Variants in ADGRL3 observed in about 807,000 individuals in gnomAD.
ADGRL3 encodes calcium-independent alpha-latrotoxin receptor 3.
ADGRL3 carries 62 observed loss-of-function variants against 153.5 expected under a neutral mutation model. That is an observed-to-expected ratio of 0.40 (90% CI 0.33 to 0.50). ADGRL3 has a LOEUF of 0.50. Among genes scored for constraint, ADGRL3 ranks in the 20% least tolerant of loss-of-function variants. The pLI is 0.47. For synonymous variants in ADGRL3, 710 were observed against 672.5 expected, an observed-to-expected ratio of 1.06 and a Z score of -0.86; for missense variants, 1,641 against 1,859.4, an observed-to-expected ratio of 0.88 and a Z score of 2.16.
intron 5 of ADGRL3, among the ~76,000 whole-genome samples, chr4:61,675,899 C>T (rs2095174770): frequency 6.6e-6 from 1 of 151,666 alleles, no homozygotes; most frequent in Admixed American, 6.6e-5. Context: ...AGGGCTTATT[C>T]ATTCTTTCTA....
intron 5 of ADGRL3, among the ~76,000 whole-genome samples, chr4:61,655,080 T>G (rs1218242043): frequency 6.6e-6 from 1 of 152,116 alleles, no homozygotes; most frequent in Non-Finnish European, 1.5e-5. Flanking sequence ...TCAGCTGTAT[T>G]AAAATATAAT....
chr4:61,556,089 A>G (rs994476976), intron 4 of ADGRL3, among the ~76,000 whole-genome samples: 2 of 152,172 alleles, frequency 1.3e-5, no homozygotes, highest in African/African-American at 4.8e-5. Context: ...CCTATTCAAG[A>G]TGGATTTGCT....
At chr4:61,572,689 T>G (rs113479944) in intron 4 of ADGRL3, among the ~76,000 whole-genome samples, 82 of 152,126 alleles carry the variant, frequency 5.4e-4, no homozygotes, top group African/African-American at 1.9e-3. Flanking sequence ...ATACTATAAA[T>G]TAAATAATAT....
chr4:61,860,922 TC>T (rs1382907950), intron 9 of ADGRL3, among the ~76,000 whole-genome samples: 2 of 152,174 alleles, frequency 1.3e-5, no homozygotes, highest in Non-Finnish European at 2.9e-5. Context: ...CCATGTTCAG[TC>T]TGATCGTTAA....
At chr4:61,720,395 C>T (rs10021572) in intron 6 of ADGRL3, among the ~76,000 whole-genome samples, 107,278 of 152,196 alleles carry the variant, frequency 0.7, 38,834 homozygotes, top group East Asian at 0.93. Context: ...ACTAGAGTGA[C>T]ACTTTTTTAA....
At chr4:61,329,778 T>C (rs886163219) in intron 1 of ADGRL3, among the ~76,000 whole-genome samples, 3 of 152,208 alleles carry the variant, frequency 2.0e-5, no homozygotes, top group African/African-American at 7.2e-5. Flanking sequence ...ATGGTGGACA[T>C]ATGGAGTGTT....
chr4:61,433,221 TA>T (rs1365602121), intron 2 of ADGRL3, among the ~76,000 whole-genome samples: 3 of 152,180 alleles, frequency 2.0e-5, no homozygotes, highest in African/African-American at 7.2e-5. Flanking sequence ...ATGAATTTAG[TA>T]ATAGTTTGTT....
intron 1 of ADGRL3, among the ~76,000 whole-genome samples, chr4:61,222,523 G>T (rs1353432506): frequency 6.6e-6 from 1 of 152,044 alleles, no homozygotes. Context: ...AGAAAATGTT[G>T]CATAAAGTAA....
At chr4:61,281,039 G>T (rs1483169854) in intron 1 of ADGRL3, among the ~76,000 whole-genome samples, 1 of 151,794 alleles carries the variant, frequency 6.6e-6, no homozygotes, top group Non-Finnish European at 1.5e-5. Flanking sequence ...GTAATTTCTG[G>T]TATTTATCAT....
chr4:61,967,664 C>T (rs146227248), intron 17 of ADGRL3, among the ~76,000 whole-genome samples: 282 of 152,294 alleles, frequency 1.9e-3, no homozygotes, highest in Non-Finnish European at 2.8e-3. Flanking sequence ...AAGTCCTTTG[C>T]ATCTATGAAT....
intron 1 of ADGRL3, among the ~76,000 whole-genome samples, chr4:61,322,691 T>A (rs2095384307): frequency 1.3e-5 from 2 of 152,220 alleles, no homozygotes; most frequent in Admixed American, 1.3e-4. Flanking sequence ...GTCACGCTGA[T>A]GGAAGAGATG....
intron 1 of ADGRL3, among the ~76,000 whole-genome samples, chr4:61,268,760 T>A (rs893181301): frequency 8.6e-5 from 13 of 151,662 alleles, no homozygotes; most frequent in Non-Finnish European, 1.5e-4. Flanking sequence ...TTTGATTGAT[T>A]GAGCAAGATA....
intron 2 of ADGRL3, among the ~76,000 whole-genome samples, chr4:61,383,564 GT>G (rs1271170510): frequency 1.3e-5 from 2 of 151,472 alleles, no homozygotes; most frequent in African/African-American, 2.4e-5. Context: ...ACCATATTGA[GT>G]TTTTTTCAGT....
chr4:62,060,606 G>T (rs185536930), intron 25 of ADGRL3, among the ~76,000 whole-genome samples: 1 of 151,842 alleles, frequency 6.6e-6, no homozygotes, highest in Admixed American at 6.6e-5. Flanking sequence ...AATATAAGAT[G>T]GGAAGTACAA....
At chr4:61,485,349 T>C (rs1228334882) in intron 2 of ADGRL3, among the ~76,000 whole-genome samples, 1 of 152,232 alleles carries the variant, frequency 6.6e-6, no homozygotes, top group Non-Finnish European at 1.5e-5. Context: ...TATACAGATA[T>C]CCTTTTTATG....
At chr4:61,811,453 T>C (rs2097619154) in intron 8 of ADGRL3, among the ~76,000 whole-genome samples, 1 of 152,040 alleles carries the variant, frequency 6.6e-6, no homozygotes, top group African/African-American at 2.4e-5. Context: ...AAACAGAAGG[T>C]AGATGAGTGG....
chr4:61,731,947 A>G (rs560289222), intron 7 of ADGRL3, among the ~76,000 whole-genome samples: 1 of 152,260 alleles, frequency 6.6e-6, no homozygotes, highest in East Asian at 1.9e-4. Flanking sequence ...TGAGCAGCAA[A>G]ATATTATAGC....
At chr4:61,872,442 C>A in intron 9 of ADGRL3, among the ~76,000 whole-genome samples, 1 of 142,828 alleles carries the variant, frequency 7.0e-6, no homozygotes, top group Admixed American at 7.1e-5. Flanking sequence ...GAAGTGGTCT[C>A]TGAAATTGTT....
chr4:61,742,228 C>CA (rs1304106621), intron 8 of ADGRL3, among the ~76,000 whole-genome samples: 4 of 152,102 alleles, frequency 2.6e-5, no homozygotes, highest in African/African-American at 9.7e-5. Context: ...ACATATGCTT[C>CA]ACTTCTCTGT....
Sources: gnomAD v4.1 joint callset for allele counts (sites outside exome capture counted in the v4.1 genomes callset) on GRCh38, gnomAD v4.1.1 for gene constraint, MANE v1.5 for transcripts, NCBI Gene and HGNC (gene_info 2026-07-23, HGNC 2026-07-21) for gene names.